LUZP2: variants seen among roughly 807,000 people sequenced by gnomAD.
The protein encoded by LUZP2 is leucine zipper protein 2.
A neutral mutation model predicts 51.6 loss-of-function variants in LUZP2; 52 were observed. That is an observed-to-expected ratio of 1.01 (90% CI 0.81 to 1.27). The LOEUF is 1.27. Among genes scored for constraint, LUZP2 ranks in the 50% most tolerant of loss-of-function variants. The pLI is 0.00. For synonymous variants in LUZP2, 154 were observed against 137.3 expected, an observed-to-expected ratio of 1.12 and a Z score of -0.85; for missense variants, 436 against 395.4, an observed-to-expected ratio of 1.10 and a Z score of -0.87.
intron 5 of LUZP2, among the ~76,000 whole-genome samples, chr11:24,828,854 T>A (rs1045413589): frequency 4.6e-5 from 7 of 152,188 alleles, no homozygotes; most frequent in Middle Eastern, 3.4e-3. Context: ...CTGTGTACAG[T>A]TTTAACTTAG....
intron 1 of LUZP2, among the ~76,000 whole-genome samples, chr11:24,643,629 C>T (rs1325234414): frequency 6.6e-6 from 1 of 152,116 alleles, no homozygotes; most frequent in Non-Finnish European, 1.5e-5. Context: ...AGTGATTAAT[C>T]AATAATAAGT....
chr11:24,958,915 T>C (rs979203761), intron 7 of LUZP2, among the ~76,000 whole-genome samples: 4 of 152,338 alleles, frequency 2.6e-5, no homozygotes, highest in African/African-American at 9.6e-5. Flanking sequence ...TAATCCATCT[T>C]GAATTGATTT....
chr11:24,840,321 A>G (rs1402595596), intron 5 of LUZP2, among the ~76,000 whole-genome samples: 1 of 151,936 alleles, frequency 6.6e-6, no homozygotes, highest in African/African-American at 2.4e-5. Flanking sequence ...TACACTAGAA[A>G]GAGGCATAGC....
rs534290270 is a variant in LUZP2 at position 24,894,419 on chromosome 11, C to A, written c.397-11572C>A. 2.6e-5 allele frequency among the ~76,000 whole-genome samples: 4 copies of A among 152,252 alleles called. No individual in the cohort carries two copies. In the South Asian group the frequency reaches 8.3e-4, roughly 32 times the overall value. ...CGAATTCCTGACCTCAAGTGATTCA[C>A]CCGCCTCGGCCTCCCAAAGTGTTGG... On this transcript the variant is annotated intron_variant, in intron 5 of 11. Coordinates refer to ENST00000336930, the MANE Select transcript of LUZP2 (RefSeq NM_001009909.4).
chr11:24,882,881 A>C (rs928030106), intron 5 of LUZP2, among the ~76,000 whole-genome samples: 1 of 151,500 alleles, frequency 6.6e-6, no homozygotes, highest in African/African-American at 2.4e-5. Flanking sequence ...AAAATAAAGA[A>C]AAAGAAGGAA....
At chr11:24,875,957 T>C (rs1024460459) in intron 5 of LUZP2, among the ~76,000 whole-genome samples, 1 of 151,568 alleles carries the variant, frequency 6.6e-6, no homozygotes, top group Non-Finnish European at 1.5e-5. Flanking sequence ...GTTGTTTGTT[T>C]TTTTCTTGTA....
chr11:24,525,077 A>G (rs969510926), intron 1 of LUZP2, among the ~76,000 whole-genome samples: 1 of 151,694 alleles, frequency 6.6e-6, no homozygotes, highest in Non-Finnish European at 1.5e-5. Flanking sequence ...CCAATTTTTC[A>G]GATATTTTCC....
Position 25,000,209 on chromosome 11 carries a change from T to C in LUZP2, c.765+16916T>C, listed in dbSNP as rs543414529. 1.8e-4 allele frequency among the ~76,000 whole-genome samples: 28 copies of C among 152,198 alleles called. No individual in the cohort carries two copies. The South Asian group carries it at 2.5e-3, about 14-fold the overall frequency. ...TAGACACAGAGTGCTGATTGGTGCA[T>C]TTACAATACTTTAGCTAGACAGAAA... On this transcript the variant is annotated intron_variant, in intron 9 of 11. Coordinates refer to ENST00000336930, the MANE Select transcript of LUZP2 (RefSeq NM_001009909.4).
intron 5 of LUZP2, among the ~76,000 whole-genome samples, chr11:24,899,587 G>A (rs189054989): frequency 6.6e-6 from 1 of 152,104 alleles, no homozygotes; most frequent in Admixed American, 6.5e-5. Flanking sequence ...AAAGTCTCAA[G>A]AAAGATGAAA....
chr11:25,049,921 A>C (rs1317948965), intron 9 of LUZP2, 117 bp from the exon 10 acceptor site: 1 of 441,212 alleles, frequency 2.3e-6, no homozygotes, highest in Non-Finnish European at 3.9e-6. Context: ...TTTGATTGTA[A>C]TGTTGCTATA....
intron 9 of LUZP2, among the ~76,000 whole-genome samples, chr11:25,000,198 T>C (rs1013094308): frequency 1.3e-5 from 2 of 152,162 alleles, no homozygotes; most frequent in Non-Finnish European, 2.9e-5. Context: ...CACAGAGTGC[T>C]GATTGGTGCA....
chr11:24,520,163 G>A (rs1030535393), intron 1 of LUZP2, among the ~76,000 whole-genome samples: 1 of 152,110 alleles, frequency 6.6e-6, no homozygotes, highest in African/African-American at 2.4e-5. Flanking sequence ...ACCCTTAAAA[G>A]GGGAAATCAG....
At chr11:24,765,143 C>A (rs1860133564) in intron 5 of LUZP2, among the ~76,000 whole-genome samples, 1 of 152,096 alleles carries the variant, frequency 6.6e-6, no homozygotes, top group Non-Finnish European at 1.5e-5. Context: ...TCCTTTATAT[C>A]AAATTATTTA....
At chr11:25,021,708 A>G (rs1021053948) in intron 9 of LUZP2, among the ~76,000 whole-genome samples, 2 of 152,070 alleles carry the variant, frequency 1.3e-5, no homozygotes, top group African/African-American at 4.8e-5. Context: ...GGATAGGAAG[A>G]GTATCATGAT....
chr11:24,938,018 G>T (rs1854640501), intron 7 of LUZP2, among the ~76,000 whole-genome samples: 1 of 151,966 alleles, frequency 6.6e-6, no homozygotes, highest in African/African-American at 2.4e-5. Flanking sequence ...TCTCCTTCAA[G>T]ATGTCTAGCC....
chr11:24,536,431 T>A (rs753536380), intron 1 of LUZP2, among the ~76,000 whole-genome samples: 2 of 151,898 alleles, frequency 1.3e-5, no homozygotes, highest in Non-Finnish European at 2.9e-5. Flanking sequence ...GCTTAGATCT[T>A]CTGGATAACT....
At chr11:24,824,463 G>A (rs1392560921) in intron 5 of LUZP2, among the ~76,000 whole-genome samples, 1 of 144,468 alleles carries the variant, frequency 6.9e-6, no homozygotes, top group Non-Finnish European at 1.5e-5. Flanking sequence ...TGTAATATTT[G>A]AGAAGGAACC....
At chr11:24,857,976 T>G (rs968480303) in intron 5 of LUZP2, among the ~76,000 whole-genome samples, 1 of 152,166 alleles carries the variant, frequency 6.6e-6, no homozygotes, top group African/African-American at 2.4e-5. Flanking sequence ...TATAATTATA[T>G]GCACATTCTT....
intron 5 of LUZP2, among the ~76,000 whole-genome samples, chr11:24,772,735 AG>A (rs1187710069): frequency 6.6e-6 from 1 of 152,164 alleles, no homozygotes; most frequent in Non-Finnish European, 1.5e-5. Flanking sequence ...CAGTGTCAAC[AG>A]GGCCTCTTCC....
Sources: allele counts gnomAD v4.1 joint callset (sites outside exome capture counted in the v4.1 genomes callset), GRCh38; gene constraint gnomAD v4.1.1; transcripts MANE v1.5; gene names NCBI Gene and HGNC (gene_info 2026-07-23, HGNC 2026-07-21).